GALNT1: variants seen among roughly 807,000 people sequenced by gnomAD.
The protein encoded by GALNT1 is polypeptide N-acetylgalactosaminyltransferase 1.
In GALNT1, 17 loss-of-function variants were observed where a neutral mutation model predicts 65.7. The ratio of observed to expected loss-of-function variants is 0.26; its 90% CI spans 0.18 to 0.39. GALNT1 has a LOEUF of 0.39. Ranked by LOEUF, GALNT1 falls within the 10% of genes least tolerant of loss-of-function variation. The pLI is 1.00. For synonymous variants in GALNT1, 210 were observed against 219.7 expected (o/e 0.96, Z 0.39); for missense variants, 460 against 672.8 (o/e 0.68, Z 3.50).
intron 9 of GALNT1, among the ~76,000 whole-genome samples, chr18:35,701,948 G>GTCTT (rs368695008): frequency 6.6e-6 from 1 of 152,146 alleles, no homozygotes; most frequent in African/African-American, 2.4e-5. Context: ...TGGATACATT[G>GTCTT]TCTTACATAG....
At chr18:35,581,509 A>G (rs1172426028), upstream of GALNT1, among the ~76,000 whole-genome samples, 2 of 118,356 alleles carry the variant, frequency 1.7e-5, no homozygotes, top group African/African-American at 6.2e-5. Context: ...CACGCAGCGC[A>G]GGGAGGACCG....
Position 35,613,376 on chromosome 18 carries a change from A to G in GALNT1, c.-104+31514A>G, listed in dbSNP as rs180818536. On this transcript the variant is annotated intron_variant, in intron 1 of 11. Transcript: ENST00000269195. ...GAGTAGAGGTTAAAAAAAAGGTCCC[A>G]CATTATGAAATGTTAAAAATACTGG... 9.4e-4 allele frequency among the ~76,000 whole-genome samples: 143 copies of G among 152,320 alleles called. 1 individual carries two copies. The highest frequency in any genetic ancestry group is 3.0e-3 in the African/African-American group (124 of 41,566).
chr18:35,702,764 C>T (rs1048528591), intron 9 of GALNT1, 133 bp from the exon 10 acceptor site: 21 of 489,356 alleles, frequency 4.3e-5, no homozygotes, highest in East Asian at 3.1e-4. Context: ...ACTCAGACAG[C>T]GATAGGCCAA....
At chr18:35,586,357 G>T (rs2046377933) in intron 1 of GALNT1, among the ~76,000 whole-genome samples, 1 of 152,078 alleles carries the variant, frequency 6.6e-6, no homozygotes, top group Non-Finnish European at 1.5e-5. Context: ...GTCCTTTGTT[G>T]GGTATGTTGT....
intron 1 of GALNT1, among the ~76,000 whole-genome samples, chr18:35,649,397 T>C (rs755989007): frequency 1.3e-5 from 2 of 152,250 alleles, no homozygotes; most frequent in Non-Finnish European, 2.9e-5. Flanking sequence ...GGATTGTTTG[T>C]TTTCTTACTG....
intron 1 of GALNT1, among the ~76,000 whole-genome samples, chr18:35,611,736 G>A (rs1453196167): frequency 1.3e-5 from 2 of 152,202 alleles, no homozygotes; most frequent in Admixed American, 6.5e-5. Flanking sequence ...CTTGGACCCT[G>A]TGTTAGGCAG....
Position 35,677,503 on chromosome 18 carries a change from T to G in GALNT1, c.315-88T>G, listed in dbSNP as rs576923784. 1.6e-5 allele frequency: 17 copies of G among 1,055,458 alleles called. 1 individual carries two copies. The African/African-American group carries it at 1.9e-4, about 12-fold the overall frequency. 65.4% of individuals were successfully genotyped at this position (1,055,458 alleles called of 1,614,324 possible). A position where few individuals can be genotyped will look rare whatever the true frequency, so the allele number is the denominator to read the frequency against. ...ATCCCACCACTAGAGCAAACTGCTTTTATTGTTCTATCACCCTTCTAGTCC... is the reference window on the plus strand; with the variant it reads ...ATCCCACCACTAGAGCAAACTGCTTGTATTGTTCTATCACCCTTCTAGTCC... On this transcript the variant is annotated intron_variant, in intron 3 of 11. Transcript: ENST00000269195.
At chr18:35,583,637 T>G (rs2046349028) in intron 1 of GALNT1, among the ~76,000 whole-genome samples, 1 of 152,088 alleles carries the variant, frequency 6.6e-6, no homozygotes, top group Non-Finnish European at 1.5e-5. Flanking sequence ...TAGCTGGGTG[T>G]GGTGGCATGC....
chr18:35,630,186 C>G (rs915923586), intron 1 of GALNT1, among the ~76,000 whole-genome samples: 1 of 152,124 alleles, frequency 6.6e-6, no homozygotes, highest in Non-Finnish European at 1.5e-5. Context: ...TTGAACTCAG[C>G]TCTGCACCAA....
At chr18:35,592,257 C>T (rs905429467) in intron 1 of GALNT1, among the ~76,000 whole-genome samples, 1 of 152,048 alleles carries the variant, frequency 6.6e-6, no homozygotes, top group Admixed American at 6.6e-5. Context: ...ACAATGGGAA[C>T]TAAACAGACA....
chr18:35,700,427 A>G (rs1393806270), intron 9 of GALNT1, among the ~76,000 whole-genome samples: 2 of 152,110 alleles, frequency 1.3e-5, no homozygotes, highest in African/African-American at 2.4e-5. Flanking sequence ...GTCTCTGACC[A>G]TGCCACCCAC....
At chr18:35,653,775 G>A (rs1301760523) in intron 1 of GALNT1, among the ~76,000 whole-genome samples, 1 of 152,102 alleles carries the variant, frequency 6.6e-6, no homozygotes. Context: ...TCTCATCATG[G>A]TATAACATAA....
At chr18:35,655,499 C>CT (rs567720187) in intron 2 of GALNT1, among the ~76,000 whole-genome samples, 6,152 of 124,512 alleles carry the variant, frequency 0.049, 146 homozygotes, top group Middle Eastern at 0.068. Flanking sequence ...TTAAAAAATT[C>CT]TTTTTTTTTT....
At chr18:35,670,497 A>C (rs1321136324) in intron 3 of GALNT1, among the ~76,000 whole-genome samples, 3 of 152,196 alleles carry the variant, frequency 2.0e-5, no homozygotes, top group African/African-American at 7.2e-5. Context: ...AGAAAAATTA[A>C]ATACCTAAAT....
intron 8 of GALNT1, 39 bp from the exon 9 acceptor site, chr18:35,692,139 AAAC>A: frequency 2.6e-6 from 4 of 1,559,450 alleles, no homozygotes; most frequent in Non-Finnish European, 3.5e-6. Context: ...GTGTTACCTA[AAAC>A]AACACTAATA....
intron 1 of GALNT1, among the ~76,000 whole-genome samples, chr18:35,630,738 C>A (rs1309363734): frequency 6.6e-6 from 1 of 152,046 alleles, no homozygotes; most frequent in African/African-American, 2.4e-5. Context: ...ACACAAAAAA[C>A]CCTTCAAAAA....
chr18:35,582,977 G>A (rs1352478865), intron 1 of GALNT1, among the ~76,000 whole-genome samples: 1 of 152,196 alleles, frequency 6.6e-6, no homozygotes, highest in Non-Finnish European at 1.5e-5. Context: ...GCTAAATGTG[G>A]TTCTTTGCTA....
Position 35,691,109 on chromosome 18 carries a change from G to C in GALNT1, c.1076G>C (p.Gly359Ala). ...ATPYTFPGGT[G>A]QIINKNNRRL... ...CCTTACACGTTTCCAGGAGGCACAG[G>C]GCAGATTATCAATAAAAATAACAGA... Residue 359 changes from glycine (G) to alanine (A), a missense_variant, in exon 8 of 12, where the codon GGG (glycine) becomes GCG (alanine). Coordinates refer to ENST00000269195, the MANE Select transcript of GALNT1 (RefSeq NM_020474.4). 6.2e-7 allele frequency: 1 copy of C among 1,613,170 alleles called. No homozygotes were observed. The highest frequency in any genetic ancestry group is 8.5e-7 in the Non-Finnish European group (1 of 1,179,568).
At chr18:35,658,928 T>A (rs1344122560) in intron 2 of GALNT1, among the ~76,000 whole-genome samples, 1 of 152,122 alleles carries the variant, frequency 6.6e-6, no homozygotes, top group East Asian at 1.9e-4. Context: ...CAGGCTGGTC[T>A]CAAACTCCTG....
Sources: gnomAD v4.1 joint callset for allele counts (sites outside exome capture counted in the v4.1 genomes callset) on GRCh38, gnomAD v4.1.1 for gene constraint, MANE v1.5 for transcripts, NCBI Gene and HGNC (gene_info 2026-07-23, HGNC 2026-07-21) for gene names.